The following CPNE8 variants were observed in gnomAD, a reference collection of about 807,000 sequenced individuals.
The protein encoded by CPNE8 is copine 8.
CPNE8 carries 45 observed loss-of-function variants against 81.5 expected under a neutral mutation model. The ratio of observed to expected loss-of-function variants is 0.55; its 90% CI spans 0.44 to 0.71. The LOEUF is 0.71. Ranked by LOEUF, CPNE8 falls within the 30% of genes least tolerant of loss-of-function variation. CPNE8 has a pLI of 0.00. For synonymous variants in CPNE8, 252 were observed against 226.3 expected (o/e 1.11, Z -1.02); for missense variants, 594 against 672.1 (o/e 0.88, Z 1.28).
intron 13 of CPNE8, among the ~76,000 whole-genome samples, chr12:38,719,360 T>C (rs1180927196): frequency 6.6e-6 from 1 of 152,074 alleles, no homozygotes; most frequent in East Asian, 1.9e-4. Context: ...TTCCAGCACT[T>C]TGGGAGGCCG....
At chr12:38,811,617 G>C (rs1008515154) in intron 6 of CPNE8, among the ~76,000 whole-genome samples, 2 of 152,192 alleles carry the variant, frequency 1.3e-5, no homozygotes, top group Non-Finnish European at 2.9e-5. Flanking sequence ...CACTTTCAGA[G>C]GCTGAGACAG....
intron 5 of CPNE8, among the ~76,000 whole-genome samples, chr12:38,839,000 A>G (rs1380905717): frequency 6.6e-6 from 1 of 152,114 alleles, no homozygotes; most frequent in African/African-American, 2.4e-5. Flanking sequence ...ACAACAGTGG[A>G]AAAGTTAAAA....
At chr12:38,706,714 C>A (rs564291154) in intron 13 of CPNE8, among the ~76,000 whole-genome samples, 6 of 152,262 alleles carry the variant, frequency 3.9e-5, no homozygotes, top group African/African-American at 1.4e-4. Context: ...TAGGAGAAGA[C>A]ACATTACTAT....
At chr12:38,737,331 G>A (rs1352684175) in intron 10 of CPNE8, among the ~76,000 whole-genome samples, 20 of 151,770 alleles carry the variant, frequency 1.3e-4, no homozygotes, top group Admixed American at 1.1e-3. Context: ...CCACATACTA[G>A]TAACAGATAC....
chr12:38,821,296 T>C (rs2137007057), intron 6 of CPNE8, among the ~76,000 whole-genome samples: 1 of 152,310 alleles, frequency 6.6e-6, no homozygotes, highest in South Asian at 2.1e-4. Flanking sequence ...ATTGTATACT[T>C]AGTACCTAAC....
chr12:38,675,644 G>C, intron 18 of CPNE8, 73 bp downstream of exon 18: 1 of 956,866 alleles, frequency 1.0e-6, no homozygotes, highest in South Asian at 1.4e-5. Context: ...GACAAGAATG[G>C]CAGAAACCCA....
chr12:38,799,615 C>A (rs899745008), intron 6 of CPNE8, among the ~76,000 whole-genome samples: 2 of 151,960 alleles, frequency 1.3e-5, no homozygotes, highest in African/African-American at 4.8e-5. Context: ...AAACTGACAC[C>A]CTAACATCAC....
At chr12:38,738,818 T>C (rs2388057) in intron 10 of CPNE8, among the ~76,000 whole-genome samples, 92,870 of 129,438 alleles carry the variant, frequency 0.72, 34,600 homozygotes, top group Non-Finnish European at 0.87. Flanking sequence ...TTTTTTTTTT[T>C]CTTTTTTTTT....
chr12:38,673,947 G>T (rs1343068971), intron 18 of CPNE8, among the ~76,000 whole-genome samples: 2 of 152,046 alleles, frequency 1.3e-5, no homozygotes, highest in Non-Finnish European at 2.9e-5. Context: ...GAGGGAAAAA[G>T]TAATGGGAAT....
intron 19 of CPNE8, among the ~76,000 whole-genome samples, chr12:38,660,617 G>A (rs1287130845): frequency 6.6e-6 from 1 of 152,042 alleles, no homozygotes; most frequent in Non-Finnish European, 1.5e-5. Context: ...TTGACAAATG[G>A]GATCTAATTA....
At chr12:38,691,913 A>G (rs1288925787) in intron 15 of CPNE8, among the ~76,000 whole-genome samples, 2 of 152,180 alleles carry the variant, frequency 1.3e-5, no homozygotes, top group African/African-American at 4.8e-5. Context: ...ACTTAATACT[A>G]TTACATTAGC....
intron 6 of CPNE8, 88 bp downstream of exon 6, chr12:38,829,291 T>G (rs922919523): frequency 1.2e-6 from 1 of 821,014 alleles, no homozygotes; most frequent in African/African-American, 1.7e-5. Flanking sequence ...CCACTTTTGC[T>G]CCACAACCAT....
chr12:38,864,753 A>G (rs1430760966), intron 3 of CPNE8, among the ~76,000 whole-genome samples: 19 of 152,210 alleles, frequency 1.2e-4, no homozygotes, highest in Non-Finnish European at 2.2e-4. Context: ...CTAAAAGATA[A>G]CACTAGGAAA....
chr12:38,817,467 T>A (rs1943043990), intron 6 of CPNE8, among the ~76,000 whole-genome samples: 1 of 152,054 alleles, frequency 6.6e-6, no homozygotes, highest in African/African-American at 2.4e-5. Context: ...AGGAACCTCA[T>A]CCTTGAAATG....
chr12:38,894,374 A>G (rs1305882047), intron 1 of CPNE8, among the ~76,000 whole-genome samples: 4 of 152,294 alleles, frequency 2.6e-5, no homozygotes, highest in East Asian at 3.9e-4. Flanking sequence ...TAAATTATCA[A>G]TTAAGAGAGA....
At chr12:38,721,783 C>G (rs554354882) in intron 13 of CPNE8, among the ~76,000 whole-genome samples, 3 of 152,204 alleles carry the variant, frequency 2.0e-5, no homozygotes, top group Non-Finnish European at 2.9e-5. Context: ...CATCTTCAAG[C>G]TTTCGGGTGC....
intron 10 of CPNE8, among the ~76,000 whole-genome samples, chr12:38,747,057 T>C (rs1429704026): frequency 6.6e-6 from 1 of 152,210 alleles, no homozygotes; most frequent in Non-Finnish European, 1.5e-5. Flanking sequence ...ATAGAATTAC[T>C]CTCATCTGAT....
In CPNE8 at chr12:38,700,679, C is replaced by A. The variant is rs372086206; in HGVS notation, c.961+2196G>T. Among the ~76,000 whole-genome samples, 227 of 152,156 alleles carry A rather than the reference C, an allele frequency of 1.5e-3. 4 individuals carry two copies. The South Asian group carries it at 0.046, about 31-fold the overall frequency. On this transcript the variant is annotated intron_variant, in intron 14 of 19. Coordinates refer to ENST00000331366, the MANE Select transcript of CPNE8 (RefSeq NM_153634.3). ...TGTTGATAATGGTTTGGCTGTGTCC[C>A]CACCCAAATTTCATCTTGAATTGTA...
At chr12:38,889,684 G>A (rs567704930) in intron 1 of CPNE8, among the ~76,000 whole-genome samples, 2 of 152,318 alleles carry the variant, frequency 1.3e-5, no homozygotes, top group East Asian at 3.9e-4. Flanking sequence ...TCCTGGCGAG[G>A]AGGAGAAGGT....
Sources: allele counts gnomAD v4.1 joint callset (sites outside exome capture counted in the v4.1 genomes callset), GRCh38; gene constraint gnomAD v4.1.1; transcripts MANE v1.5; gene names NCBI Gene and HGNC (gene_info 2026-07-23, HGNC 2026-07-21).